RHBDL3: variants seen among roughly 807,000 people sequenced by gnomAD.
The protein encoded by RHBDL3 is rhomboid like 3, also known as rhomboid-related protein 3.
Under a neutral mutation model 48.2 loss-of-function variants are expected in RHBDL3, and 28 were observed. The observed-to-expected ratio is 0.58, with a 90% CI of 0.43 to 0.80. The LOEUF (loss-of-function observed/expected upper bound fraction) is 0.80. RHBDL3 is among the 30% of genes least tolerant of loss of function. The pLI is 0.00. For synonymous variants in RHBDL3, 208 were observed against 232.3 expected (o/e 0.90, Z 0.95); for missense variants, 464 against 542.7 (o/e 0.85, Z 1.44).
chr17:32,280,850 CTCTT>C (rs1201831645), intron 2 of RHBDL3: 1 of 152,670 alleles, frequency 6.6e-6, no homozygotes, highest in Non-Finnish European at 1.5e-5. Context: ...CTCTCTCTGT[CTCTT>C]TCTCCCTTTG....
At chr17:32,298,671 T>C (rs1441475389) in intron 6 of RHBDL3, among the ~76,000 whole-genome samples, 1 of 151,834 alleles carries the variant, frequency 6.6e-6, no homozygotes, top group Non-Finnish European at 1.5e-5. Context: ...AAGGGGTGAG[T>C]GGAGCCAGGT....
At chr17:32,283,786 G>A (rs939105626) in intron 2 of RHBDL3, among the ~76,000 whole-genome samples, 17 of 152,140 alleles carry the variant, frequency 1.1e-4, no homozygotes, top group East Asian at 5.8e-4. Context: ...ATACCGACCC[G>A]CGAGGCGCCG....
intron 6 of RHBDL3, among the ~76,000 whole-genome samples, chr17:32,298,477 C>G (rs1272005737): frequency 6.6e-6 from 1 of 152,236 alleles, no homozygotes; most frequent in Non-Finnish European, 1.5e-5. Flanking sequence ...TCTCACACCA[C>G]CATGTGGTAG....
intron 5 of RHBDL3, among the ~76,000 whole-genome samples, chr17:32,296,957 G>A (rs113682557): frequency 0.02 from 3,009 of 151,932 alleles, 51 homozygotes; most frequent in Non-Finnish European, 0.029. Flanking sequence ...GGGATTACAG[G>A]CACCTGCCAG....
intron 7 of RHBDL3, among the ~76,000 whole-genome samples, chr17:32,308,298 G>C (rs2040757935): frequency 6.6e-6 from 1 of 152,184 alleles, no homozygotes; most frequent in South Asian, 2.1e-4. Context: ...AGGAGGTTGT[G>C]TGGGTTGGGC....
At chr17:32,285,340 G>A (rs2040171729) in intron 3 of RHBDL3, among the ~76,000 whole-genome samples, 1 of 152,134 alleles carries the variant, frequency 6.6e-6, no homozygotes, top group Non-Finnish European at 1.5e-5. Flanking sequence ...GGTCAGTTAC[G>A]CCAAAATGAA....
chr17:32,291,794 CAG>C (rs1163301021), intron 4 of RHBDL3, among the ~76,000 whole-genome samples: 3 of 124,942 alleles, frequency 2.4e-5, no homozygotes, highest in Non-Finnish European at 4.9e-5. Context: ...TTTTTTTAGA[CAG>C]AGTCTCCCTC....
At chr17:32,316,374 C>T (rs748941313) in intron 8 of RHBDL3, 82 bp downstream of exon 8, 90 of 1,069,044 alleles carry the variant, frequency 8.4e-5, no homozygotes, top group Non-Finnish European at 1.0e-4. Flanking sequence ...CTGCCCTTCA[C>T]GGGCTTATGG....
intron 1 of RHBDL3, chr17:32,267,606 G>A (rs2039668378): frequency 4.2e-6 from 1 of 240,068 alleles, no homozygotes; most frequent in Admixed American, 6.5e-5. Flanking sequence ...TTTAGTAATT[G>A]TTGAGAATCA....
rs901849037 is a variant in RHBDL3 at position 32,322,898 on chromosome 17, GAGGC to G, written c.*1673_*1676del. ...GAACAAAGAACGCCAGGCCTGGGAG[GAGGC>G]AGGGGGGCTGGGCGTGTCCAGAAAC... On this transcript the variant is annotated 3_prime_UTR_variant, in exon 9 of 9. Coordinates refer to ENST00000269051, the MANE Select transcript of RHBDL3 (RefSeq NM_138328.3). 2.8e-4 allele frequency: 42 copies of G among 152,630 alleles called. No homozygotes were observed. Among genetic ancestry groups the G allele is most frequent in the African/African-American group, 9.9e-4 (41 of 41,588 alleles). The allele number at this position is 152,630 out of a possible 1,614,324, so 9.5% of individuals were successfully genotyped here.
intron 8 of RHBDL3, among the ~76,000 whole-genome samples, chr17:32,318,425 T>G (rs2041027843): frequency 6.7e-6 from 1 of 150,350 alleles, no homozygotes; most frequent in Non-Finnish European, 1.5e-5. Flanking sequence ...TCACCTGAGG[T>G]CAGGAATTCG....
At chr17:32,276,011 T>A (rs1421168058) in intron 2 of RHBDL3, among the ~76,000 whole-genome samples, 1 of 152,186 alleles carries the variant, frequency 6.6e-6, no homozygotes, top group Non-Finnish European at 1.5e-5. Flanking sequence ...CCAGACTGCC[T>A]GGGTCCACCC....
At chr17:32,296,062 T>C (rs1466208038) in intron 5 of RHBDL3, among the ~76,000 whole-genome samples, 1 of 151,448 alleles carries the variant, frequency 6.6e-6, no homozygotes, top group Admixed American at 6.6e-5. Flanking sequence ...CCGTCTCTAC[T>C]GAAAAATACA....
At chr17:32,303,683 T>A (rs2040639876) in intron 6 of RHBDL3, among the ~76,000 whole-genome samples, 1 of 152,110 alleles carries the variant, frequency 6.6e-6, no homozygotes, top group Non-Finnish European at 1.5e-5. Flanking sequence ...TACATCCCCC[T>A]TGAGACCAAG....
At chr17:32,319,993 C>G (rs1347644626) in intron 8 of RHBDL3, among the ~76,000 whole-genome samples, 1 of 151,988 alleles carries the variant, frequency 6.6e-6, no homozygotes, top group African/African-American at 2.4e-5. Context: ...TGTTACAGGT[C>G]TGGGTGTGGT....
intron 2 of RHBDL3, among the ~76,000 whole-genome samples, chr17:32,273,023 A>C (rs573555685): frequency 6.6e-6 from 1 of 152,306 alleles, no homozygotes; most frequent in Non-Finnish European, 1.5e-5. Flanking sequence ...GTTTTGAGAC[A>C]TAGTTTCGCT....
chr17:32,313,633 C>T (rs1048599412), intron 7 of RHBDL3, among the ~76,000 whole-genome samples: 2 of 151,396 alleles, frequency 1.3e-5, no homozygotes, highest in South Asian at 2.1e-4. Flanking sequence ...AATTTAATTA[C>T]TCTATACTTC....
rs1050557346 is a variant in RHBDL3 at position 32,323,643 on chromosome 17, C to T, written c.*2414C>T. The T allele has an allele frequency of 1.3e-5, 2 of 152,250 alleles. No homozygotes were observed. The highest frequency in any genetic ancestry group is 3.4e-3 in the Middle Eastern group (1 of 294). 9.4% of individuals were successfully genotyped at this position (152,250 alleles called of 1,614,324 possible). A position where few individuals can be genotyped will look rare whatever the true frequency, so the allele number is the denominator to read the frequency against. On this transcript the variant is annotated 3_prime_UTR_variant, in exon 9 of 9. Transcript: ENST00000269051. ...CCCTCATAGAAGCACTCAGCTCCCT[C>T]GGGGACTCCCAGGGAAGCTTGTTAC... is the stretch of plus-strand genomic sequence containing the variant.
chr17:32,286,574 A>T (rs1461117147), intron 3 of RHBDL3, among the ~76,000 whole-genome samples: 1 of 152,184 alleles, frequency 6.6e-6, no homozygotes, highest in Non-Finnish European at 1.5e-5. Context: ...TGTTGCAAGG[A>T]TCAAAAAAAG....
Sources: gnomAD v4.1 joint callset for allele counts (sites outside exome capture counted in the v4.1 genomes callset) on GRCh38, gnomAD v4.1.1 for gene constraint, MANE v1.5 for transcripts, NCBI Gene and HGNC (gene_info 2026-07-23, HGNC 2026-07-21) for gene names.